The following ULK4 variants were observed in gnomAD, a reference collection of about 807,000 sequenced individuals.
ULK4 encodes unc-51 like kinase 4.
Under a neutral mutation model 160.6 loss-of-function variants are expected in ULK4, and 133 were observed. The observed-to-expected ratio is 0.83, with a 90% CI of 0.72 to 0.96. The LOEUF is 0.96. ULK4 is among the 40% of genes least tolerant of loss of function. ULK4 has a pLI of 0.00. For synonymous variants in ULK4, 534 were observed against 539.8 expected, an observed-to-expected ratio of 0.99 and a Z score of 0.15; for missense variants, 1,580 against 1,499.5, an observed-to-expected ratio of 1.05 and a Z score of -0.89.
intron 34 of ULK4, among the ~76,000 whole-genome samples, chr3:41,429,116 C>T (rs13062833): frequency 6.6e-6 from 1 of 151,356 alleles, no homozygotes. Context: ...TCTCAAAAGA[C>T]GACATATATG....
chr3:41,827,372 G>A (rs1256229761), intron 18 of ULK4, among the ~76,000 whole-genome samples: 4 of 151,980 alleles, frequency 2.6e-5, no homozygotes, highest in Admixed American at 6.6e-5. Flanking sequence ...GAATCCAGGA[G>A]CTGGTTTTTT....
chr3:41,513,379 T>C (rs960466325), intron 32 of ULK4, among the ~76,000 whole-genome samples: 9 of 152,200 alleles, frequency 5.9e-5, no homozygotes, highest in Admixed American at 5.2e-4. Flanking sequence ...GGCTCACACC[T>C]GTAATCCCAG....
At chr3:41,340,777 T>C (rs2080666070) in intron 35 of ULK4, among the ~76,000 whole-genome samples, 1 of 152,186 alleles carries the variant, frequency 6.6e-6, no homozygotes, top group Non-Finnish European at 1.5e-5. Flanking sequence ...TGCTATGATT[T>C]AAAATGATGT....
In ULK4 at chr3:41,764,556, C is replaced by T. The variant is rs150149678; in HGVS notation, c.2194-10068G>A. On this transcript the variant is annotated intron_variant, in intron 21 of 36. Coordinates refer to ENST00000301831, the MANE Select transcript of ULK4 (RefSeq NM_017886.4). ...GACTATCCTGGGCAACAGAGCAAGA[C>T]CCTGTCTCTACAAAGAAAACAAAAA... is the stretch of plus-strand genomic sequence containing the variant. Among the ~76,000 whole-genome samples the T allele has an allele frequency of 3.0e-3, 450 of 152,264 alleles. 3 individuals carry two copies. Among genetic ancestry groups the T allele is most frequent in the Middle Eastern group, 0.017 (5 of 294 alleles).
intron 17 of ULK4, among the ~76,000 whole-genome samples, chr3:41,881,157 A>G (rs562197539): frequency 6.6e-6 from 1 of 152,234 alleles, no homozygotes; most frequent in South Asian, 2.1e-4. Context: ...CAGATCCCCT[A>G]AAATCATGTG....
Position 41,249,563 on chromosome 3 carries a change from A to G in ULK4, c.3690T>C (p.Asn1230=), listed in dbSNP as rs1242192447. ...LRILRRMITS[N]EKHLESLKNA... ...TCTTGAGGCTCTCCAAGTGCTTCTC[A>G]TTGGAGGTGATCTGCAAGGGCAGGA... is the stretch of plus-strand genomic sequence containing the variant. Residue 1230 remains asparagine (N), a synonymous_variant, in exon 36 of 37, where the codon AAT becomes AAC. Transcript: ENST00000301831. 1 of 1,613,860 alleles carries G rather than the reference A, an allele frequency of 6.2e-7. No homozygotes were observed. Among genetic ancestry groups the G allele is most frequent in the Admixed American group, 1.7e-5 (1 of 59,982 alleles).
intron 17 of ULK4, among the ~76,000 whole-genome samples, chr3:41,850,924 G>C (rs1427183899): frequency 6.6e-6 from 1 of 152,098 alleles, no homozygotes; most frequent in Non-Finnish European, 1.5e-5. Flanking sequence ...TTTTCTTCTA[G>C]GGTTTTTATG....
chr3:41,545,667 C>T (rs936740847), intron 32 of ULK4, among the ~76,000 whole-genome samples: 3 of 152,216 alleles, frequency 2.0e-5, no homozygotes, highest in Non-Finnish European at 4.4e-5. Context: ...GATAAATATG[C>T]TTTACCAAAT....
chr3:41,592,705 G>C (rs2031435198), intron 31 of ULK4, among the ~76,000 whole-genome samples: 1 of 152,116 alleles, frequency 6.6e-6, no homozygotes, highest in Admixed American at 6.5e-5. Context: ...GAAACATTGA[G>C]AATTAATGTG....
At chr3:41,876,431 T>C (rs1697304042) in intron 17 of ULK4, among the ~76,000 whole-genome samples, 1 of 152,260 alleles carries the variant, frequency 6.6e-6, no homozygotes, top group South Asian at 2.1e-4. Flanking sequence ...CAAGTATTCA[T>C]GAGAATACAG....
At position 41,455,595 on chromosome 3, in the gene ULK4, C is replaced by T. The variant is rs1238612920; in HGVS notation, c.3394G>A (p.Ala1132Thr). ...TSGIVRLALQ[A>T]QKSGSGEDPQ... ...TCCTCTCCTGAGCCAGACTTCTGGG[C>T]CTGGAACAGAGAGAAGAGAAATGAA... Residue 1132 changes from alanine to threonine, a missense_variant and splice_region_variant, in exon 34 of 37, where the codon GCC becomes ACC. By Grantham distance (58) the Ala-to-Thr change is moderately conservative. Transcript: ENST00000301831. 7.4e-6 allele frequency: 12 copies of T among 1,613,438 alleles called. No individual in the cohort carries two copies. Among genetic ancestry groups the T allele is most frequent in the African/African-American group, 4.0e-5 (3 of 74,872 alleles).
rs114429311 is a variant in ULK4, at chr3:41,616,607, C to A, written c.3072-890G>T. On this transcript the variant is annotated intron_variant, in intron 30 of 36. Transcript: ENST00000301831. ...ACTGTGCTACCCGGCCTGGTTACTA[C>A]GCTTTTCCCACGGTTTTTTCAATCT... 3.3e-5 allele frequency among the ~76,000 whole-genome samples: 5 copies of A among 152,176 alleles called. No homozygotes were observed. In the East Asian group the frequency reaches 5.8e-4, roughly 18 times the overall value.
In ULK4 at chr3:41,717,722, A is replaced by G; in HGVS notation, c.2455+6T>C. On this transcript the variant is annotated splice_donor_region_variant and intron_variant, in intron 23 of 36. Coordinates refer to ENST00000301831, the MANE Select transcript of ULK4 (RefSeq NM_017886.4). ...AATGGGGCCTGAGGATGAGACTCCA[A>G]TTTACCCAGGATTCGTGGCAGCTCC... 6.2e-7 allele frequency: 1 copy of G among 1,609,450 alleles called. No homozygotes were observed. Among genetic ancestry groups the G allele is most frequent in the Non-Finnish European group, 8.5e-7 (1 of 1,176,394 alleles).
At chr3:41,390,935 A>G (rs995911125) in intron 35 of ULK4, among the ~76,000 whole-genome samples, 16 of 151,638 alleles carry the variant, frequency 1.1e-4, no homozygotes, top group Non-Finnish European at 1.5e-4. Context: ...ATCTCTCCCT[A>G]TCCTTCCTCC....
chr3:41,754,556 T>G (rs2038734982), intron 21 of ULK4, 68 bp from the exon 22 acceptor site: 1 of 1,509,024 alleles, frequency 6.6e-7, no homozygotes, highest in East Asian at 2.3e-5. Flanking sequence ...ATTCTCAGAG[T>G]GAACAGACTA....
chr3:41,941,755 CAAAAAAAAAAAA>C (rs565727539), intron 2 of ULK4, among the ~76,000 whole-genome samples: 2 of 30,752 alleles, frequency 6.5e-5, no homozygotes, highest in East Asian at 1.3e-3. Context: ...GACTCTGTCT[CAAAAAAAAAAAA>C]AAAAAAAAAA....
At chr3:41,863,611 G>A (rs879475218) in intron 17 of ULK4, among the ~76,000 whole-genome samples, 1 of 151,982 alleles carries the variant, frequency 6.6e-6, no homozygotes, top group Admixed American at 6.6e-5. Flanking sequence ...TGTAATATGG[G>A]GGTATCACTG....
Position 41,515,012 on chromosome 3 carries a change from T to C in ULK4, c.3226+51013A>G, listed in dbSNP as rs568645724. On this transcript the variant is annotated intron_variant, in intron 32 of 36. Coordinates refer to ENST00000301831, the MANE Select transcript of ULK4 (RefSeq NM_017886.4). Reference sequence around the variant, plus strand: ...GCTCACGCTTGTAATTGCAGCATGTTGGGAGGCTGGGGCGGGTAGATCACT... The same window carrying C: ...GCTCACGCTTGTAATTGCAGCATGTCGGGAGGCTGGGGCGGGTAGATCACT... Among the ~76,000 whole-genome samples the C allele has an allele frequency of 3.7e-4, 56 of 152,238 alleles. 1 individual carries two copies. The South Asian group carries it at 0.012, about 32-fold the overall frequency.
intron 27 of ULK4, among the ~76,000 whole-genome samples, chr3:41,684,607 G>A (rs965719438): frequency 3.9e-5 from 6 of 152,138 alleles, no homozygotes; most frequent in African/African-American, 1.4e-4. Context: ...TTGGGGATGA[G>A]TTCTGTCTTA....
Sources: gnomAD v4.1 joint callset for allele counts (sites outside exome capture counted in the v4.1 genomes callset) on GRCh38, gnomAD v4.1.1 for gene constraint, MANE v1.5 for transcripts, NCBI Gene and HGNC (gene_info 2026-07-23, HGNC 2026-07-21) for gene names.